Variants in GRID2 observed in about 807,000 individuals in gnomAD.
GRID2 encodes glutamate receptor ionotropic, delta-2.
In GRID2, 33 loss-of-function variants were observed where a neutral mutation model predicts 114.8. That is an observed-to-expected ratio of 0.29 (90% confidence interval 0.22 to 0.38). GRID2 has a LOEUF of 0.38. Among genes scored for constraint, GRID2 ranks in the 10% least tolerant of loss-of-function variants. The pLI is 1.00. For synonymous variants in GRID2, 505 were observed against 449.9 expected (o/e 1.12, Z -1.55); for missense variants, 1,184 against 1,257.7 (o/e 0.94, Z 0.89).
Position 92,468,207 on chromosome 4 carries a change from G to A in GRID2, c.89-121924G>A, listed in dbSNP as rs184718041. On this transcript the variant is annotated intron_variant, in intron 1 of 15. Transcript: ENST00000282020. ...GTGCTTATTTTCAAGTGGTTATCAT[G>A]TTAAAGGCTTTAGATCATTGACTAA... Among the ~76,000 whole-genome samples the A allele has an allele frequency of 1.2e-3, 183 of 152,036 alleles. 1 individual carries two copies. The highest frequency in any genetic ancestry group is 4.3e-3 in the African/African-American group (178 of 41,488).
In GRID2 at chr4:93,200,586, C is replaced by CAAAA. The variant is rs764310950; in HGVS notation, c.736-6815_736-6814insAAAA. Among the ~76,000 whole-genome samples the CAAAA allele has an allele frequency of 3.3e-5, 5 of 149,706 alleles. No individual in the cohort carries two copies. The East Asian group carries it at 5.8e-4, about 17-fold the overall frequency. On this transcript the variant is annotated intron_variant, in intron 4 of 15. Coordinates refer to ENST00000282020, the MANE Select transcript of GRID2 (RefSeq NM_001510.4). ...GTCTCAAAACAAACAAACAAACAAA[C>CAAAA]AAACAAAAAAACATTACATATACAT...
rs545679244 is a variant in GRID2 at position 92,935,598 on chromosome 4, C to T, written c.245-149397C>T. On this transcript the variant is annotated intron_variant, in intron 2 of 15. Transcript: ENST00000282020. ...AACACACACACACGTATGTTTATTG[C>T]GGCACTATTCACAACAGCAAAGACT... 2.2e-4 allele frequency among the ~76,000 whole-genome samples: 32 copies of T among 146,698 alleles called. 3 individuals carry two copies. The highest frequency in any genetic ancestry group is 6.1e-4 in the African/African-American group (25 of 41,234).
intron 9 of GRID2, among the ~76,000 whole-genome samples, chr4:93,407,728 TCC>T: frequency 2.3e-5 from 1 of 42,558 alleles, no homozygotes; most frequent in South Asian, 1.2e-3. Flanking sequence ...CTCCTTCTCC[TCC>T]TCCTCCTCCT....
At chr4:93,107,677 TAG>T (rs1270935631) in intron 3 of GRID2, among the ~76,000 whole-genome samples, 14 of 152,040 alleles carry the variant, frequency 9.2e-5, no homozygotes. Flanking sequence ...GTATTTTTAG[TAG>T]AGACGAGGTT....
At chr4:93,413,849 T>C (rs1767447073) in intron 9 of GRID2, among the ~76,000 whole-genome samples, 3 of 152,190 alleles carry the variant, frequency 2.0e-5, no homozygotes, top group Non-Finnish European at 4.4e-5. Flanking sequence ...AATTTGAATG[T>C]GTGTTAATTT....
chr4:93,129,235 C>T (rs893791676), intron 4 of GRID2, among the ~76,000 whole-genome samples: 2 of 152,056 alleles, frequency 1.3e-5, no homozygotes, highest in African/African-American at 2.4e-5. Flanking sequence ...TAAACTGTAA[C>T]GTGTTTCTTG....
At chr4:92,326,327 A>G (rs1019077112) in intron 1 of GRID2, among the ~76,000 whole-genome samples, 1 of 151,936 alleles carries the variant, frequency 6.6e-6, no homozygotes, top group African/African-American at 2.4e-5. Flanking sequence ...TTAATGAAAA[A>G]TGACTTTTAT....
At chr4:93,755,917 A>G (rs1732707047) in intron 14 of GRID2, among the ~76,000 whole-genome samples, 1 of 152,160 alleles carries the variant, frequency 6.6e-6, no homozygotes, top group Non-Finnish European at 1.5e-5. Context: ...TTATTAACTT[A>G]TTATGTTCAC....
chr4:92,608,526 T>C (rs1729570428), intron 2 of GRID2, among the ~76,000 whole-genome samples: 1 of 151,828 alleles, frequency 6.6e-6, no homozygotes, highest in Non-Finnish European at 1.5e-5. Flanking sequence ...AGTTTTATAA[T>C]ATAAAAAGTG....
At chr4:93,159,431 G>C (rs1472900953) in intron 4 of GRID2, among the ~76,000 whole-genome samples, 1 of 151,770 alleles carries the variant, frequency 6.6e-6, no homozygotes, top group Non-Finnish European at 1.5e-5. Flanking sequence ...TTATATTGCA[G>C]ATAGGATGCT....
At chr4:92,848,875 A>G (rs1032630802) in intron 2 of GRID2, among the ~76,000 whole-genome samples, 5 of 151,928 alleles carry the variant, frequency 3.3e-5, no homozygotes, top group African/African-American at 1.2e-4. Flanking sequence ...AAGGAAGTCC[A>G]TGTGAGGACA....
In GRID2 at chr4:92,644,868, A is replaced by G. The variant is rs1341877866; in HGVS notation, c.244+54582A>G. 2.0e-5 allele frequency among the ~76,000 whole-genome samples: 3 copies of G among 151,498 alleles called. No individual in the cohort carries two copies. In the East Asian group the frequency reaches 5.8e-4, roughly 29 times the overall value. On this transcript the variant is annotated intron_variant, in intron 2 of 15. Transcript: ENST00000282020. ...TCAAATTTTACATAGTAAAATATTTATGATTTATGTGCAACAGATATGTTA... is the reference window on the plus strand; with the variant it reads ...TCAAATTTTACATAGTAAAATATTTGTGATTTATGTGCAACAGATATGTTA...
rs547860418 is a variant in GRID2, at chr4:92,953,920, T to C, written c.245-131075T>C. 4.5e-3 allele frequency among the ~76,000 whole-genome samples: 679 copies of C among 152,286 alleles called. 4 individuals carry two copies. The highest frequency in any genetic ancestry group is 8.5e-3 in the Non-Finnish European group (575 of 68,018). ...TAGTTTCCACATCTCAAATATCATA[T>C]TGGAATAATTATTAGAATTTTATAA... On this transcript the variant is annotated intron_variant, in intron 2 of 15. Transcript: ENST00000282020.
chr4:92,746,809 T>G (rs1737168588), intron 2 of GRID2, among the ~76,000 whole-genome samples: 1 of 152,260 alleles, frequency 6.6e-6, no homozygotes, highest in East Asian at 1.9e-4. Flanking sequence ...TATACTTTTC[T>G]TGAACACTAA....
At chr4:92,874,302 G>A (rs1244382198) in intron 2 of GRID2, among the ~76,000 whole-genome samples, 2 of 152,118 alleles carry the variant, frequency 1.3e-5, no homozygotes, top group Non-Finnish European at 2.9e-5. Flanking sequence ...AGATAGGACT[G>A]AGTATTTTGC....
At chr4:93,634,923 T>C (rs1721278778) in intron 14 of GRID2, among the ~76,000 whole-genome samples, 1 of 138,674 alleles carries the variant, frequency 7.2e-6, no homozygotes, top group Non-Finnish European at 1.6e-5. Context: ...TTTCTCCTAC[T>C]TCTTCCAGCT....
At chr4:92,639,054 A>C (rs1731218888) in intron 2 of GRID2, among the ~76,000 whole-genome samples, 1 of 151,390 alleles carries the variant, frequency 6.6e-6, no homozygotes, top group Admixed American at 6.6e-5. Context: ...TGGTATTTTC[A>C]ATTTGTAAAC....
intron 2 of GRID2, among the ~76,000 whole-genome samples, chr4:93,074,567 C>T (rs1578911566): frequency 6.6e-6 from 1 of 152,156 alleles, no homozygotes; most frequent in East Asian, 1.9e-4. Context: ...CTAAAATTGA[C>T]AATCACAGCT....
At chr4:93,722,573 A>G (rs1350780294) in intron 14 of GRID2, among the ~76,000 whole-genome samples, 7 of 152,192 alleles carry the variant, frequency 4.6e-5, no homozygotes, top group Non-Finnish European at 8.8e-5. Flanking sequence ...CTTCATCTAT[A>G]TTAATGGTTT....
Sources: gnomAD v4.1 joint callset for allele counts (sites outside exome capture counted in the v4.1 genomes callset) on GRCh38, gnomAD v4.1.1 for gene constraint, MANE v1.5 for transcripts, NCBI Gene and HGNC (gene_info 2026-07-23, HGNC 2026-07-21) for gene names.